The following PRKACB variants were observed in gnomAD, a reference collection of about 807,000 sequenced individuals.
The protein encoded by PRKACB is cAMP-dependent protein kinase catalytic subunit beta.
In PRKACB, 16 loss-of-function variants were observed where a neutral mutation model predicts 51.4. That is an observed-to-expected ratio of 0.31 (90% confidence interval 0.21 to 0.47). PRKACB has a LOEUF of 0.47. PRKACB is among the 20% of genes least tolerant of loss of function. The pLI is 1.00. For missense variants in PRKACB, 309 were observed against 464.5 expected, an observed-to-expected ratio of 0.67 and a Z score of 3.08; for synonymous variants, 147 against 154.4, an observed-to-expected ratio of 0.95 and a Z score of 0.35.
intron 1 of PRKACB, among the ~76,000 whole-genome samples, chr1:84,145,411 GC>G (rs1653922425): frequency 6.6e-6 from 1 of 152,146 alleles, no homozygotes; most frequent in East Asian, 1.9e-4. Context: ...AATAGCACTA[GC>G]GTTTGACTCT....
At position 84,158,688 on chromosome 1, in the gene PRKACB, C is replaced by T. The variant is rs181868054; in HGVS notation, c.187+14140C>T. Among the ~76,000 whole-genome samples, 334 of 152,094 alleles carry T rather than the reference C, an allele frequency of 2.2e-3. 1 individual carries two copies. The highest frequency in any genetic ancestry group is 0.02 in the Middle Eastern group (6 of 294). ...GTAATTTTAGTGAAGTCCAATTTAT[C>T]GTTTTTTCCTTTTTGGATTGTACTT... On this transcript the variant is annotated intron_variant, in intron 1 of 9. Coordinates refer to ENST00000370685, the MANE Select transcript of PRKACB (RefSeq NM_182948.4).
chr1:84,229,200 C>T lies in PRKACB; in HGVS notation c.1072-5980C>T, dbSNP rs1268797562. 1.1e-4 allele frequency among the ~76,000 whole-genome samples: 16 copies of T among 144,634 alleles called. No individual in the cohort carries two copies. In the East Asian group the frequency reaches 1.6e-3, roughly 15 times the overall value. The allele number at this position is 144,634 out of a possible 152,430, so 94.9% of individuals were successfully genotyped here. ...TGCAGTGTTTGGTTTTTTGTTCTTG[C>T]GATAGTTTACTGAGAATGATGATTT... On this transcript the variant is annotated intron_variant, in intron 9 of 9. Transcript: ENST00000370685.
chr1:84,192,829 A>G (rs1038096789), intron 5 of PRKACB, among the ~76,000 whole-genome samples: 5 of 152,150 alleles, frequency 3.3e-5, no homozygotes, highest in Non-Finnish European at 7.4e-5. Context: ...GTCTCAGAAA[A>G]TATCTTGGCA....
intron 8 of PRKACB, among the ~76,000 whole-genome samples, chr1:84,209,073 A>G (rs892902747): frequency 3.3e-5 from 5 of 152,212 alleles, no homozygotes; most frequent in Non-Finnish European, 5.9e-5. Flanking sequence ...AGAAGAATCT[A>G]GTTCAGTGAT....
At chr1:84,111,903 AT>A (rs1455562034) in intron 1 of PRKACB, among the ~76,000 whole-genome samples, 3 of 152,138 alleles carry the variant, frequency 2.0e-5, no homozygotes, top group Non-Finnish European at 4.4e-5. Context: ...TACAATTTTT[AT>A]TTAGTATTTA....
At chr1:84,218,670 C>G (rs1038342049) in intron 9 of PRKACB, among the ~76,000 whole-genome samples, 1 of 152,180 alleles carries the variant, frequency 6.6e-6, no homozygotes, top group African/African-American at 2.4e-5. Context: ...AATGGAATTG[C>G]TAAATTGTAT....
intron 9 of PRKACB, among the ~76,000 whole-genome samples, chr1:84,226,982 G>A (rs1232918910): frequency 1.3e-5 from 2 of 152,042 alleles, no homozygotes; most frequent in Non-Finnish European, 2.9e-5. Context: ...AATTATATGA[G>A]GGAGACATCC....
chr1:84,109,981 A>T (rs1232519805), intron 1 of PRKACB, among the ~76,000 whole-genome samples: 2 of 151,850 alleles, frequency 1.3e-5, no homozygotes, highest in African/African-American at 2.4e-5. Flanking sequence ...TGCCTTTGGT[A>T]TCATGCTTTA....
At chr1:84,202,640 A>C in intron 7 of PRKACB, 43 bp from the exon 8 acceptor site, 1 of 1,539,940 alleles carries the variant, frequency 6.5e-7, no homozygotes, top group South Asian at 1.2e-5. Context: ...TTCTCTTTTG[A>C]GTAACTTAAG....
At position 84,235,503 on chromosome 1, in the gene PRKACB, C is replaced by A; in HGVS notation, c.*198C>A. ...CAAGGCACCGCTAAGCAAGCATTGTCTGTGCCATAACACAGTACTAGACCA... is the reference window on the plus strand; with the variant it reads ...CAAGGCACCGCTAAGCAAGCATTGTATGTGCCATAACACAGTACTAGACCA... On this transcript the variant is annotated 3_prime_UTR_variant, in exon 10 of 10. Coordinates refer to ENST00000370685, the MANE Select transcript of PRKACB (RefSeq NM_182948.4). 3.2e-6 allele frequency: 2 copies of A among 623,822 alleles called. No individual in the cohort carries two copies. The highest frequency in any genetic ancestry group is 5.4e-6 in the Non-Finnish European group (2 of 369,294). The allele number at this position is 623,822 out of a possible 1,614,324, so 38.6% of individuals were successfully genotyped here. A position where few individuals can be genotyped will look rare whatever the true frequency, so the allele number is the denominator to read the frequency against.
At chr1:84,198,555 C>T (rs1181217097) in intron 7 of PRKACB, among the ~76,000 whole-genome samples, 1 of 151,988 alleles carries the variant, frequency 6.6e-6, no homozygotes, top group Non-Finnish European at 1.5e-5. Flanking sequence ...ACTTTTCTCT[C>T]ATTATCTTTC....
At chr1:84,105,778 G>T (rs533220698) in intron 1 of PRKACB, among the ~76,000 whole-genome samples, 1 of 151,800 alleles carries the variant, frequency 6.6e-6, no homozygotes, top group Non-Finnish European at 1.5e-5. Flanking sequence ...GGATTTTGAC[G>T]TATTGGTCAG....
chr1:84,139,246 T>C (rs1383724495), intron 1 of PRKACB, among the ~76,000 whole-genome samples: 1 of 152,158 alleles, frequency 6.6e-6, no homozygotes, highest in Non-Finnish European at 1.5e-5. Context: ...ATAGTTCCTG[T>C]TGAAAGACGA....
intron 9 of PRKACB, among the ~76,000 whole-genome samples, chr1:84,234,571 G>A (rs1257433122): frequency 4.6e-5 from 7 of 152,146 alleles, no homozygotes; most frequent in Non-Finnish European, 7.4e-5. Context: ...GCGAGACTCC[G>A]TGGGCGTAGG....
chr1:84,170,257 G>C (rs901101849), intron 1 of PRKACB, among the ~76,000 whole-genome samples: 1 of 151,618 alleles, frequency 6.6e-6, no homozygotes, highest in Non-Finnish European at 1.5e-5. Context: ...TTAGCCCCCT[G>C]TATAAAGCCA....
intron 1 of PRKACB, chr1:84,164,203 G>A (rs1247910805): frequency 2.1e-5 from 27 of 1,268,382 alleles, no homozygotes; most frequent in Non-Finnish European, 2.7e-5. Flanking sequence ...ATGTTTAAAT[G>A]GTTAACATTT....
chr1:84,205,670 C>G (rs1671229145), intron 8 of PRKACB, among the ~76,000 whole-genome samples: 1 of 151,924 alleles, frequency 6.6e-6, no homozygotes, highest in Non-Finnish European at 1.5e-5. Flanking sequence ...GATAAATTCA[C>G]TAAAGTACAT....
intron 1 of PRKACB, among the ~76,000 whole-genome samples, chr1:84,145,789 C>T (rs981905735): frequency 6.6e-6 from 1 of 151,910 alleles, no homozygotes; most frequent in Non-Finnish European, 1.5e-5. Context: ...GTAACAAAAG[C>T]TTGTTAATTA....
At chr1:84,168,510 G>A (rs1658277620) in intron 1 of PRKACB, among the ~76,000 whole-genome samples, 1 of 151,490 alleles carries the variant, frequency 6.6e-6, no homozygotes, top group African/African-American at 2.4e-5. Context: ...ATGAATTACA[G>A]CACCATACAG....
Sources: gnomAD v4.1 joint callset for allele counts (sites outside exome capture counted in the v4.1 genomes callset) on GRCh38, gnomAD v4.1.1 for gene constraint, MANE v1.5 for transcripts, NCBI Gene and HGNC (gene_info 2026-07-23, HGNC 2026-07-21) for gene names.